C1QTNF3: variants seen among roughly 807,000 people sequenced by gnomAD.
C1QTNF3 encodes the protein complement C1q tumor necrosis factor-related protein 3.
C1QTNF3 carries 26 observed loss-of-function variants against 32.6 expected under a neutral mutation model. That is an observed-to-expected ratio of 0.80 (90% CI 0.58 to 1.11). C1QTNF3 has a LOEUF of 1.11. Among genes scored for constraint, C1QTNF3 ranks in the 50% least tolerant of loss-of-function variants. The pLI, the probability that C1QTNF3 is intolerant of heterozygous loss-of-function variation, is 0.00. For missense variants in C1QTNF3, 362 were observed against 398.2 expected (o/e 0.91, Z 0.77); for synonymous variants, 155 against 146.0 (o/e 1.06, Z -0.44).
the C1QTNF3 span, among the ~76,000 whole-genome samples, chr5:34,074,277 T>TA: frequency 6.6e-6 from 1 of 151,790 alleles, no homozygotes; most frequent in East Asian, 1.9e-4. Context: ...GTCTTGTCGT[T>TA]ATGCTGAATG....
At chr5:34,141,821 A>G in the C1QTNF3 span, among the ~76,000 whole-genome samples, 13 of 152,224 alleles carry the variant, frequency 8.5e-5, no homozygotes, top group African/African-American at 2.4e-4. Context: ...CTTGCATTTG[A>G]GTACTTTCCT....
At chr5:34,043,960 G>A (rs890950), upstream of C1QTNF3, 37,325 of 152,068 alleles carry the variant, frequency 0.25, 5,022 homozygotes, top group South Asian at 0.45. Context: ...AAACGGGGCC[G>A]GGCACAGTGG....
intron 5 of C1QTNF3, among the ~76,000 whole-genome samples, 154 bp downstream of exon 5, chr5:34,023,755 A>G (rs1171047965): frequency 1.3e-5 from 2 of 152,190 alleles, no homozygotes; most frequent in Non-Finnish European, 2.9e-5. Context: ...AACAATAATG[A>G]TGATAATGTG....
At chr5:34,130,671 T>C in the C1QTNF3 span, among the ~76,000 whole-genome samples, 1 of 152,248 alleles carries the variant, frequency 6.6e-6, no homozygotes, top group Non-Finnish European at 1.5e-5. Flanking sequence ...CTGTCTTTCA[T>C]GGTGAACCAC....
chr5:34,157,988 T>C, the C1QTNF3 span: 1 of 152,180 alleles, frequency 6.6e-6, no homozygotes, highest in East Asian at 1.9e-4. Flanking sequence ...AGGATCCAGA[T>C]TGTGAATGGA....
chr5:34,183,295 C>A, the C1QTNF3 span, among the ~76,000 whole-genome samples: 1 of 152,160 alleles, frequency 6.6e-6, no homozygotes, highest in African/African-American at 2.4e-5. Flanking sequence ...ATGCGCCCGG[C>A]CCGCTTTTTT....
chr5:34,218,932 T>C, the C1QTNF3 span, among the ~76,000 whole-genome samples: 1 of 152,076 alleles, frequency 6.6e-6, no homozygotes, highest in African/African-American at 2.4e-5. Context: ...TCTATTTTAT[T>C]ATGTGTCTTC....
chr5:34,227,175 G>C, the C1QTNF3 span, among the ~76,000 whole-genome samples: 1 of 149,882 alleles, frequency 6.7e-6, no homozygotes, highest in Non-Finnish European at 1.5e-5. Flanking sequence ...CTACTCACAA[G>C]AAGATGATTA....
chr5:34,035,872 C>T (rs1754725015), intron 1 of C1QTNF3, 114 bp from the exon 2 acceptor site: 1 of 745,560 alleles, frequency 1.3e-6, no homozygotes. Context: ...CGAATCACAG[C>T]AAGATCACAA....
At chr5:34,222,350 T>C in the C1QTNF3 span, among the ~76,000 whole-genome samples, 1 of 151,968 alleles carries the variant, frequency 6.6e-6, no homozygotes, top group Non-Finnish European at 1.5e-5. Context: ...AATTTTTAGA[T>C]TGTTTATAAG....
chr5:34,042,383 T>C (rs1754889777), intron 1 of C1QTNF3, among the ~76,000 whole-genome samples: 1 of 152,190 alleles, frequency 6.6e-6, no homozygotes, highest in African/African-American at 2.4e-5. Context: ...CTTTGATTGC[T>C]TTTGACAAAC....
chr5:34,179,482 AAAACAAAC>A, the C1QTNF3 span, among the ~76,000 whole-genome samples: 1 of 151,776 alleles, frequency 6.6e-6, no homozygotes, highest in Admixed American at 6.6e-5. Flanking sequence ...ACCCTGCCCC[AAAACAAAC>A]AAACAAACAA....
chr5:34,073,932 T>A, the C1QTNF3 span, among the ~76,000 whole-genome samples: 2 of 152,210 alleles, frequency 1.3e-5, no homozygotes, highest in Admixed American at 1.3e-4. Flanking sequence ...TTGATTCCTA[T>A]AACCAGGACT....
chr5:34,214,736 C>T, the C1QTNF3 span, among the ~76,000 whole-genome samples: 1 of 152,064 alleles, frequency 6.6e-6, no homozygotes, highest in African/African-American at 2.4e-5. Context: ...AACCATCATC[C>T]TCAGATGCAT....
the C1QTNF3 span, among the ~76,000 whole-genome samples, chr5:34,067,483 G>C: frequency 6.6e-6 from 1 of 152,198 alleles, no homozygotes; most frequent in Non-Finnish European, 1.5e-5. Flanking sequence ...GCAAGGAGGA[G>C]CAAGTCACAT....
chr5:34,224,467 G>A, the C1QTNF3 span, among the ~76,000 whole-genome samples: 7 of 152,110 alleles, frequency 4.6e-5, no homozygotes, highest in Non-Finnish European at 8.8e-5. Context: ...TAGATCAATG[G>A]AACAGAACAG....
the C1QTNF3 span, among the ~76,000 whole-genome samples, chr5:34,227,405 T>C: frequency 6.6e-6 from 1 of 152,000 alleles, no homozygotes; most frequent in Non-Finnish European, 1.5e-5. Flanking sequence ...TTTTAACTTT[T>C]TATAATAGAT....
the C1QTNF3 span, among the ~76,000 whole-genome samples, chr5:34,119,008 T>C: frequency 6.6e-6 from 1 of 152,180 alleles, no homozygotes; most frequent in African/African-American, 2.4e-5. Flanking sequence ...TGAACCTCAC[T>C]GACTCATATG....
chr5:34,082,451 C>T, the C1QTNF3 span, among the ~76,000 whole-genome samples: 1 of 151,628 alleles, frequency 6.6e-6, no homozygotes, highest in Non-Finnish European at 1.5e-5. Flanking sequence ...ATGCTAATTG[C>T]TTTTCGATCT....
Sources: gnomAD v4.1 joint callset for allele counts (sites outside exome capture counted in the v4.1 genomes callset) on GRCh38, gnomAD v4.1.1 for gene constraint, MANE v1.5 for transcripts, NCBI Gene and HGNC (gene_info 2026-07-23, HGNC 2026-07-21) for gene names.